Variants in NRK observed in about 807,000 individuals in gnomAD.
NRK encodes the protein nik-related protein kinase.
A neutral mutation model predicts 125.2 loss-of-function variants in NRK; 67 were observed. The ratio of observed to expected loss-of-function variants is 0.54; its 90% CI spans 0.44 to 0.66. NRK has a LOEUF of 0.66. Ranked by LOEUF, NRK falls within the 30% of genes least tolerant of loss-of-function variation. The pLI is 0.00. For missense variants in NRK, 1,224 were observed against 1,192.9 expected (o/e 1.03, Z -0.38); for synonymous variants, 458 against 429.0 (o/e 1.07, Z -0.84).
At position 105,904,820 on chromosome X, in the gene NRK, T is replaced by TAAGC. The variant is rs1555988707; in HGVS notation, c.767-444_767-441dup. Among the ~76,000 whole-genome samples, 2 of 111,503 alleles carry TAAGC rather than the reference T, an allele frequency of 1.8e-5. 1 individual carries two copies. Among genetic ancestry groups the TAAGC allele is most frequent in the Admixed American group, 1.9e-4 (2 of 10,471 alleles). On this transcript the variant is annotated intron_variant, in intron 9 of 28. Transcript: ENST00000243300. Reference sequence around the variant, plus strand: ...TCTCAGCTTCCAAAACAGATGCTTCTAAGCTTTCTAGACTACTAAATCATT... The same window carrying TAAGC: ...TCTCAGCTTCCAAAACAGATGCTTCTAAGCAAGCTTTCTAGACTACTAAATCATT...
intron 2 of NRK, among the ~76,000 whole-genome samples, chrX:105,877,484 G>T (rs1422921997): frequency 9.0e-6 from 1 of 111,370 alleles, no homozygotes. Context: ...AACATTGGAA[G>T]AAACTGGGGA....
Position 105,832,446 on chromosome X carries a change from A to T in NRK, c.123+1327A>T, listed in dbSNP as rs771192882. On this transcript the variant is annotated intron_variant, in intron 2 of 28. Coordinates refer to ENST00000243300, the MANE Select transcript of NRK (RefSeq NM_198465.4). ...TTTTCTCAATCTTGTGTAATGTTCTATATAATTGCAGTGTTCTTTTTCCCC... is the reference window on the plus strand; with the variant it reads ...TTTTCTCAATCTTGTGTAATGTTCTTTATAATTGCAGTGTTCTTTTTCCCC... Among the ~76,000 whole-genome samples the T allele has an allele frequency of 1.3e-3, 149 of 110,952 alleles. 1 individual carries two copies. Among genetic ancestry groups the T allele is most frequent in the African/African-American group, 4.8e-3 (146 of 30,515 alleles).
At chrX:105,884,653 G>T (rs965005697) in intron 4 of NRK, among the ~76,000 whole-genome samples, 1 of 112,105 alleles carries the variant, frequency 8.9e-6, no homozygotes, top group Admixed American at 9.5e-5. Flanking sequence ...TGAGGAAAAT[G>T]CTGGGGAGAA....
chrX:105,836,834 T>A (rs930116116), intron 2 of NRK, among the ~76,000 whole-genome samples: 1 of 112,217 alleles, frequency 8.9e-6, no homozygotes, highest in Admixed American at 9.5e-5. Flanking sequence ...ATGGGGCTAA[T>A]AATACCTACC....
chrX:105,902,716 C>T (rs562692725), intron 9 of NRK, among the ~76,000 whole-genome samples: 3 of 111,830 alleles, frequency 2.7e-5, no homozygotes, highest in African/African-American at 9.7e-5. Context: ...AGATCAGCAA[C>T]GGCATTAGAT....
chrX:105,921,988 C>A lies in NRK; in HGVS notation c.2537C>A (p.Pro846His). 8.5e-7 allele frequency: 1 copy of A among 1,170,139 alleles called. No homozygotes were observed. Among genetic ancestry groups the A allele is most frequent in the Non-Finnish European group, 1.2e-6 (1 of 860,534 alleles). ...GAATCTTCTTCTGAGGAAGAAAGTC[C>A]TGTGACTGGAAGGAGGTCTCAGTCA... Reference protein sequence around the residue: ...ASESSSEEESPVTGRRSQSSP... With the variant: ...ASESSSEEESHVTGRRSQSSP... The change falls in exon 17 of 29, where the codon CCT (proline) becomes CAT (histidine). Residue 846 changes from proline to histidine, a missense_variant. By Grantham distance (77) the Pro-to-His change is moderately conservative. Transcript: ENST00000243300.
rs1363543069 is a variant in NRK, at chrX:105,935,347, A to G, written c.3655+22A>G. 8.2e-6 allele frequency: 9 copies of G among 1,097,875 alleles called. No individual in the cohort carries two copies. The South Asian group carries it at 1.6e-4, about 20-fold the overall frequency. 90.5% of individuals were successfully genotyped at this position (1,097,875 alleles called of 1,213,427 possible). A position where few individuals can be genotyped will look rare whatever the true frequency, so the allele number is the denominator to read the frequency against. ...TGGGGTGAGTTTGTTTTGTTTTCTT[A>G]AAGAATATATTTTTATGTAGCAAAC... On this transcript the variant is annotated intron_variant, in intron 21 of 28. Transcript: ENST00000243300.
chrX:105,883,234 A>G (rs1898660625), intron 4 of NRK, among the ~76,000 whole-genome samples: 2 of 112,462 alleles, frequency 1.8e-5, no homozygotes, highest in African/African-American at 6.5e-5. Context: ...AACATATCTG[A>G]TCTTCATTTA....
chrX:105,928,214 C>G (rs2040549654), intron 19 of NRK, among the ~76,000 whole-genome samples: 1 of 111,145 alleles, frequency 9.0e-6, no homozygotes, highest in Non-Finnish European at 1.9e-5. Flanking sequence ...TTGGTACAAT[C>G]TTGCTAGGTT....
rs754020704 is a variant in NRK at position 105,927,766 on chromosome X, G to T, written c.3312+2735G>T. On this transcript the variant is annotated intron_variant, in intron 19 of 28. Coordinates refer to ENST00000243300, the MANE Select transcript of NRK (RefSeq NM_198465.4). ...AATTTTTGTCTTTGATTCCATTGATGTGATGTATCATGTTTATTGATTTGC... is the reference window on the plus strand; with the variant it reads ...AATTTTTGTCTTTGATTCCATTGATTTGATGTATCATGTTTATTGATTTGC... 2.7e-5 allele frequency among the ~76,000 whole-genome samples: 3 copies of T among 111,358 alleles called. No individual in the cohort carries two copies. The South Asian group carries it at 1.1e-3, about 42-fold the overall frequency.
At chrX:105,868,064 A>G (rs1177390726) in intron 2 of NRK, among the ~76,000 whole-genome samples, 1 of 111,467 alleles carries the variant, frequency 9.0e-6, no homozygotes, top group East Asian at 2.8e-4. Flanking sequence ...AATAAAAACT[A>G]TAACTAATTT....
intron 2 of NRK, among the ~76,000 whole-genome samples, chrX:105,838,057 C>A (rs2039287098): frequency 9.0e-6 from 1 of 110,975 alleles, no homozygotes; most frequent in African/African-American, 3.3e-5. Context: ...AGGCTTTCTT[C>A]TGGCTCTGAG....
intron 9 of NRK, 129 bp downstream of exon 9, chrX:105,900,801 G>A: frequency 2.4e-6 from 1 of 415,985 alleles, no homozygotes; most frequent in Admixed American, 4.0e-5. Flanking sequence ...CCACACAGGT[G>A]TCATACTATG....
intron 16 of NRK, among the ~76,000 whole-genome samples, chrX:105,919,055 A>T (rs59909538): frequency 9.4e-6 from 1 of 106,478 alleles, no homozygotes; most frequent in East Asian, 2.9e-4. Context: ...GAAGATGGGG[A>T]CACAAATTTT....
chrX:105,851,749 C>T (rs1173030284), intron 2 of NRK, among the ~76,000 whole-genome samples: 1 of 110,635 alleles, frequency 9.0e-6, no homozygotes, highest in African/African-American at 3.3e-5. Flanking sequence ...CTAAGGGCAC[C>T]ATGGGAGGGG....
At chrX:105,936,461 C>T (rs1035738797) in intron 21 of NRK, among the ~76,000 whole-genome samples, 3 of 111,469 alleles carry the variant, frequency 2.7e-5, no homozygotes, top group African/African-American at 9.8e-5. Flanking sequence ...CTCTGATTCC[C>T]CTGTGAGAAG....
At position 105,822,701 on chromosome X, in the gene NRK, TC is replaced by T. The variant is rs1223436718; in HGVS notation, c.-142del. 6.9e-6 allele frequency: 4 copies of T among 582,451 alleles called. No individual in the cohort carries two copies. In the Admixed American group the frequency reaches 8.1e-5, roughly 12 times the overall value. The allele number at this position is 582,451 out of a possible 1,213,427, so 48.0% of individuals were successfully genotyped here. On this transcript the variant is annotated 5_prime_UTR_variant, in exon 1 of 29. Coordinates refer to ENST00000243300, the MANE Select transcript of NRK (RefSeq NM_198465.4). ...CACTACACGTTTCCCCTCCTCTATCTCCCACGCCACGAACCCCGATCCCCAG... is the reference window on the plus strand; with the variant it reads ...CACTACACGTTTCCCCTCCTCTATCTCCACGCCACGAACCCCGATCCCCAG...
intron 6 of NRK, chrX:105,895,120 T>C: frequency 6.5e-6 from 3 of 458,129 alleles, no homozygotes; most frequent in South Asian, 3.3e-5. Flanking sequence ...TTTACTCTTA[T>C]GGCTAGTTGG....
intron 19 of NRK, among the ~76,000 whole-genome samples, chrX:105,926,940 C>T (rs1019996549): frequency 3.6e-5 from 4 of 110,887 alleles, no homozygotes; most frequent in Non-Finnish European, 7.6e-5. Context: ...ATTCTTTTTC[C>T]TCAGGATTGC....
Sources: gnomAD v4.1 joint callset for allele counts (sites outside exome capture counted in the v4.1 genomes callset) on GRCh38, gnomAD v4.1.1 for gene constraint, MANE v1.5 for transcripts, NCBI Gene and HGNC (gene_info 2026-07-23, HGNC 2026-07-21) for gene names.